The following WWOX variants were observed in gnomAD, a reference collection of about 807,000 sequenced individuals.
WWOX encodes WW domain-containing oxidoreductase.
WWOX carries 69 observed loss-of-function variants against 46.2 expected under a neutral mutation model. The observed-to-expected ratio is 1.49, with a 90% CI of 1.23 to 1.82. The LOEUF (loss-of-function observed/expected upper bound fraction) is 1.82. WWOX is among the 40% of genes most tolerant of loss of function. WWOX has a pLI of 0.00. For synonymous variants in WWOX, 359 were observed against 202.6 expected, an observed-to-expected ratio of 1.77 and a Z score of -6.56; for missense variants, 919 against 542.6, an observed-to-expected ratio of 1.69 and a Z score of -6.89.
intron 8 of WWOX, among the ~76,000 whole-genome samples, chr16:79,193,787 G>A (rs775666530): frequency 9.9e-4 from 150 of 152,230 alleles, no homozygotes; most frequent in Non-Finnish European, 2.0e-3. Flanking sequence ...CTCACAAAGG[G>A]GGTGGCAGCT....
intron 8 of WWOX, among the ~76,000 whole-genome samples, chr16:79,025,556 A>G (rs1354386221): frequency 6.6e-6 from 1 of 152,096 alleles, no homozygotes; most frequent in Non-Finnish European, 1.5e-5. Context: ...TGGCACCCCC[A>G]GATACCAGGA....
intron 8 of WWOX, among the ~76,000 whole-genome samples, chr16:78,509,358 GA>G (rs1397956735): frequency 2.0e-5 from 3 of 151,908 alleles, no homozygotes; most frequent in Non-Finnish European, 4.4e-5. Context: ...GAACTCGCTT[GA>G]ACCCGGGAGG....
chr16:78,117,224 C>T (rs145952892), intron 4 of WWOX, among the ~76,000 whole-genome samples: 3 of 152,252 alleles, frequency 2.0e-5, no homozygotes, highest in South Asian at 2.1e-4. Context: ...GAGGTGTCTG[C>T]GGTCCAGTTG....
chr16:78,606,459 A>G (rs2045759689), intron 8 of WWOX, among the ~76,000 whole-genome samples: 1 of 151,190 alleles, frequency 6.6e-6, no homozygotes, highest in African/African-American at 2.4e-5. Context: ...GAAAGAAAGA[A>G]AAAAAAAAGG....
chr16:79,191,125 C>G (rs1487377466), intron 8 of WWOX, among the ~76,000 whole-genome samples: 1 of 152,196 alleles, frequency 6.6e-6, no homozygotes, highest in African/African-American at 2.4e-5. Context: ...ACAACCTTGG[C>G]TCAGTGCAGC....
At chr16:79,076,899 G>C (rs922122103) in intron 8 of WWOX, among the ~76,000 whole-genome samples, 1 of 152,178 alleles carries the variant, frequency 6.6e-6, no homozygotes, top group African/African-American at 2.4e-5. Flanking sequence ...TATGCGTATT[G>C]TCCTGTTTCA....
chr16:79,115,284 A>G (rs1249740372), intron 8 of WWOX, among the ~76,000 whole-genome samples: 1 of 152,214 alleles, frequency 6.6e-6, no homozygotes, highest in African/African-American at 2.4e-5. Context: ...AGCCTGTCTC[A>G]TATGTGAAAA....
intron 8 of WWOX, among the ~76,000 whole-genome samples, chr16:78,603,438 C>G (rs530716011): frequency 1.3e-5 from 2 of 152,138 alleles, no homozygotes; most frequent in African/African-American, 4.8e-5. Context: ...CTCATGCCTG[C>G]AATCCCAGCA....
chr16:79,179,813 G>A (rs554435478), intron 8 of WWOX, among the ~76,000 whole-genome samples: 8 of 152,318 alleles, frequency 5.3e-5, no homozygotes, highest in African/African-American at 1.4e-4. Flanking sequence ...AGATGTATAA[G>A]CTGTTTTTAA....
At position 78,436,814 on chromosome 16, in the gene WWOX, A is replaced by G. The variant is rs150321990; in HGVS notation, c.1056+4062A>G. 6.1e-3 allele frequency among the ~76,000 whole-genome samples: 922 copies of G among 152,342 alleles called. 8 individuals are homozygous for G. Among genetic ancestry groups the G allele is most frequent in the African/African-American group, 0.021 (870 of 41,584 alleles). On this transcript the variant is annotated intron_variant, in intron 8 of 8. Coordinates refer to ENST00000566780, the MANE Select transcript of WWOX (RefSeq NM_016373.4). ...ACTGGAAAAGTCACCCTCTTGGGCT[A>G]TCCTGCGTATGTGGCTCGGCATTGC...
At chr16:79,072,952 G>T (rs747068843) in intron 8 of WWOX, among the ~76,000 whole-genome samples, 1 of 152,024 alleles carries the variant, frequency 6.6e-6, no homozygotes, top group Non-Finnish European at 1.5e-5. Flanking sequence ...TTTGGACTCC[G>T]GGTCATTGAC....
At chr16:78,576,842 G>A (rs1049871517) in intron 8 of WWOX, among the ~76,000 whole-genome samples, 1 of 152,172 alleles carries the variant, frequency 6.6e-6, no homozygotes, top group Non-Finnish European at 1.5e-5. Flanking sequence ...TAAAATAAAT[G>A]CTGCCTTGGG....
chr16:78,935,458 A>T (rs745889398), intron 8 of WWOX, among the ~76,000 whole-genome samples: 12 of 152,162 alleles, frequency 7.9e-5, no homozygotes, highest in Non-Finnish European at 1.6e-4. Context: ...TCTTGTAGGG[A>T]CATGGATGAA....
At chr16:78,795,993 A>G (rs915789506) in intron 8 of WWOX, among the ~76,000 whole-genome samples, 1 of 152,216 alleles carries the variant, frequency 6.6e-6, no homozygotes, top group African/African-American at 2.4e-5. Context: ...CATTTTGTGA[A>G]TGTTTAAATA....
chr16:78,108,010 C>T (rs1002547725), intron 1 of WWOX, among the ~76,000 whole-genome samples: 1 of 151,976 alleles, frequency 6.6e-6, no homozygotes. Flanking sequence ...CTCACTGCAA[C>T]TTCTGCTTCC....
At chr16:78,912,953 T>C (rs1215659503) in intron 8 of WWOX, among the ~76,000 whole-genome samples, 4 of 151,986 alleles carry the variant, frequency 2.6e-5, no homozygotes, top group Non-Finnish European at 5.9e-5. Flanking sequence ...GAACGGTCCA[T>C]TCTGAGGGCT....
intron 8 of WWOX, among the ~76,000 whole-genome samples, chr16:78,547,749 T>G (rs1366514274): frequency 6.6e-6 from 1 of 152,116 alleles, no homozygotes; most frequent in African/African-American, 2.4e-5. Flanking sequence ...GCAAAGGGTC[T>G]CTCTATCTGG....
intron 8 of WWOX, among the ~76,000 whole-genome samples, chr16:78,630,148 G>A (rs910207174): frequency 6.6e-6 from 1 of 152,186 alleles, no homozygotes; most frequent in East Asian, 1.9e-4. Flanking sequence ...TTGAATGAAT[G>A]AATGAATGAA....
At chr16:79,034,620 A>G (rs375005549) in intron 8 of WWOX, among the ~76,000 whole-genome samples, 120 of 152,170 alleles carry the variant, frequency 7.9e-4, no homozygotes, top group African/African-American at 2.8e-3. Flanking sequence ...GGATTGTCTC[A>G]AAGGCATTAA....
Sources: gnomAD v4.1 joint callset for allele counts (sites outside exome capture counted in the v4.1 genomes callset) on GRCh38, gnomAD v4.1.1 for gene constraint, MANE v1.5 for transcripts, NCBI Gene and HGNC (gene_info 2026-07-23, HGNC 2026-07-21) for gene names.